Variants in SLC9C1 observed in about 807,000 individuals in gnomAD.
SLC9C1 encodes the protein sodium/hydrogen exchanger 10.
In SLC9C1, 97 loss-of-function variants were observed where a neutral mutation model predicts 140.9. The ratio of observed to expected loss-of-function variants is 0.69; its 90% CI spans 0.58 to 0.82. The LOEUF is 0.82. SLC9C1 is among the 40% of genes least tolerant of loss of function. The pLI is 0.00. For synonymous variants in SLC9C1, 440 were observed against 442.6 expected (o/e 0.99, Z 0.07); for missense variants, 1,340 against 1,389.3 (o/e 0.96, Z 0.56).
intron 1 of SLC9C1, among the ~76,000 whole-genome samples, chr3:112,291,592 G>C (rs2080683952): frequency 6.6e-6 from 1 of 152,098 alleles, no homozygotes; most frequent in Non-Finnish European, 1.5e-5. Flanking sequence ...AGTCAAAATG[G>C]CTCCTATTAA....
At chr3:112,241,772 T>C (rs2079144735) in intron 11 of SLC9C1, among the ~76,000 whole-genome samples, 1 of 152,056 alleles carries the variant, frequency 6.6e-6, no homozygotes, top group Non-Finnish European at 1.5e-5. Context: ...TGGGACAGAA[T>C]AGAGAACCCA....
At chr3:112,246,219 G>A (rs2079279366) in intron 10 of SLC9C1, among the ~76,000 whole-genome samples, 1 of 152,098 alleles carries the variant, frequency 6.6e-6, no homozygotes, top group African/African-American at 2.4e-5. Context: ...CACCCAGTAG[G>A]CTTATGTTCT....
intron 28 of SLC9C1, among the ~76,000 whole-genome samples, chr3:112,144,879 T>A (rs2074740138): frequency 6.6e-6 from 1 of 152,224 alleles, no homozygotes; most frequent in Admixed American, 6.5e-5. Flanking sequence ...TAAAATCATA[T>A]TGTCTGTAAA....
At chr3:112,174,152 ATTTG>A (rs1157475449) in intron 23 of SLC9C1, among the ~76,000 whole-genome samples, 5 of 152,100 alleles carry the variant, frequency 3.3e-5, no homozygotes, top group Non-Finnish European at 5.9e-5. Flanking sequence ...TTGCTTGTTA[ATTTG>A]TTTAAGTTTC....
chr3:112,157,443 C>T (rs779092085), intron 26 of SLC9C1, among the ~76,000 whole-genome samples: 5 of 151,978 alleles, frequency 3.3e-5, no homozygotes, highest in Admixed American at 6.6e-5. Flanking sequence ...AGTTTGAAAT[C>T]GGGTAATGTG....
At chr3:112,279,341 G>A (rs1012485889) in intron 3 of SLC9C1, among the ~76,000 whole-genome samples, 1 of 152,140 alleles carries the variant, frequency 6.6e-6, no homozygotes, top group African/African-American at 2.4e-5. Flanking sequence ...TAGAAGCAGA[G>A]CAAGTGTTGT....
At chr3:112,154,788 T>C (rs1177096700) in intron 27 of SLC9C1, among the ~76,000 whole-genome samples, 1 of 152,158 alleles carries the variant, frequency 6.6e-6, no homozygotes, top group East Asian at 1.9e-4. Flanking sequence ...TTGAACTTCG[T>C]TTTTCTTTGT....
chr3:112,168,889 T>A lies in SLC9C1; in HGVS notation c.3225A>T (p.Ile1075=), dbSNP rs762257130. 4 of 1,591,652 alleles carry A rather than the reference T, an allele frequency of 2.5e-6. No individual in the cohort carries two copies. Among genetic ancestry groups the A allele is most frequent in the Non-Finnish European group, 3.4e-6 (4 of 1,172,318 alleles). ...AATATTTCTTTACCTGATGGCATGT[T>A]ATAGGAATTAAGAAAGGTGCTCTAT... The part of the protein sequence containing the change: ...KTYRAPFLIP[I]TCHQIQSIED... The change falls in exon 25 of 29, where the codon ATA becomes ATT. Residue 1075 remains isoleucine (I), a synonymous_variant. Coordinates refer to ENST00000305815, the MANE Select transcript of SLC9C1 (RefSeq NM_183061.3).
At chr3:112,188,319 T>C (rs1426451124) in intron 20 of SLC9C1, among the ~76,000 whole-genome samples, 1 of 152,146 alleles carries the variant, frequency 6.6e-6, no homozygotes, top group Non-Finnish European at 1.5e-5. Flanking sequence ...TTGTGCCGTG[T>C]TGGTTTGCTG....
intron 3 of SLC9C1, among the ~76,000 whole-genome samples, chr3:112,279,479 C>G (rs9818745): frequency 1.3e-5 from 2 of 152,126 alleles, no homozygotes; most frequent in African/African-American, 4.8e-5. Flanking sequence ...AAAGAATATG[C>G]AGCAGATTTT....
chr3:112,193,343 T>C (rs2077703484), intron 20 of SLC9C1, among the ~76,000 whole-genome samples: 1 of 151,952 alleles, frequency 6.6e-6, no homozygotes, highest in South Asian at 2.1e-4. Context: ...CTGCCTAGGA[T>C]TGGATGGGCT....
intron 4 of SLC9C1, among the ~76,000 whole-genome samples, chr3:112,278,175 C>A (rs1276435610): frequency 6.6e-6 from 1 of 152,116 alleles, no homozygotes. Flanking sequence ...TAGGTAATGG[C>A]CTGTATTTAC....
At chr3:112,213,033 G>A (rs981957381) in intron 15 of SLC9C1, among the ~76,000 whole-genome samples, 1 of 152,194 alleles carries the variant, frequency 6.6e-6, no homozygotes, top group African/African-American at 2.4e-5. Context: ...CAAGGCAGAA[G>A]ACAATGGGGG....
intron 5 of SLC9C1, among the ~76,000 whole-genome samples, chr3:112,275,818 A>T: frequency 6.6e-6 from 1 of 152,142 alleles, no homozygotes; most frequent in South Asian, 2.1e-4. Flanking sequence ...TCCATACTTC[A>T]CATCTGCCTG....
intron 13 of SLC9C1, among the ~76,000 whole-genome samples, chr3:112,226,320 ATTCT>A (rs1293203006): frequency 6.6e-6 from 1 of 152,218 alleles, no homozygotes; most frequent in Non-Finnish European, 1.5e-5. Flanking sequence ...TAAGAAGGTA[ATTCT>A]TTATTTTGAA....
intron 1 of SLC9C1, among the ~76,000 whole-genome samples, chr3:112,290,814 C>CTTTT (rs11412854): frequency 7.2e-6 from 1 of 137,962 alleles, no homozygotes; most frequent in Non-Finnish European, 1.5e-5. Context: ...TCTTTTCCTT[C>CTTTT]TTTTTTTTTT....
intron 2 of SLC9C1, among the ~76,000 whole-genome samples, chr3:112,282,401 T>A (rs913270134): frequency 6.6e-6 from 1 of 152,192 alleles, no homozygotes; most frequent in Non-Finnish European, 1.5e-5. Flanking sequence ...TGCCAAAGAA[T>A]GGCAACATCT....
chr3:112,146,419 G>T (rs2074797849), intron 28 of SLC9C1, among the ~76,000 whole-genome samples: 1 of 152,082 alleles, frequency 6.6e-6, no homozygotes, highest in African/African-American at 2.4e-5. Flanking sequence ...GTTAATTTGA[G>T]ATCTTTCTAA....
At chr3:112,150,992 A>T (rs147520875) in intron 28 of SLC9C1, among the ~76,000 whole-genome samples, 1,744 of 151,400 alleles carry the variant, frequency 0.012, 38 homozygotes, top group African/African-American at 0.038. Flanking sequence ...CATCTGCCAC[A>T]GCGCCTGGCT....
Sources: allele counts gnomAD v4.1 joint callset (sites outside exome capture counted in the v4.1 genomes callset), GRCh38; gene constraint gnomAD v4.1.1; transcripts MANE v1.5; gene names NCBI Gene and HGNC (gene_info 2026-07-23, HGNC 2026-07-21).